SMOC2: variants seen among roughly 807,000 people sequenced by gnomAD.
SMOC2 encodes SPARC related modular calcium binding 2, also known as SPARC-related modular calcium-binding protein 2.
In SMOC2, 39 loss-of-function variants were observed where a neutral mutation model predicts 61.4. That is an observed-to-expected ratio of 0.64 (90% CI 0.49 to 0.83). SMOC2 has a LOEUF of 0.83. Among genes scored for constraint, SMOC2 ranks in the 40% least tolerant of loss-of-function variants. The pLI, the probability that SMOC2 is intolerant of heterozygous loss-of-function variation, is 0.00. For missense variants in SMOC2, 556 were observed against 592.9 expected (o/e 0.94, Z 0.65); for synonymous variants, 247 against 239.9 (o/e 1.03, Z -0.27).
At chr6:168,609,728 G>A (rs1785805342) in intron 9 of SMOC2, among the ~76,000 whole-genome samples, 1 of 152,188 alleles carries the variant, frequency 6.6e-6, no homozygotes. Flanking sequence ...AATGTTTCCT[G>A]GTTTTGGTTG....
intron 6 of SMOC2, among the ~76,000 whole-genome samples, chr6:168,548,279 C>G (rs971008979): frequency 1.3e-5 from 2 of 151,752 alleles, no homozygotes; most frequent in Non-Finnish European, 2.9e-5. Context: ...TAAATGGCAA[C>G]TGGCATTCAA....
chr6:168,613,503 G>A (rs1157260052), intron 9 of SMOC2, among the ~76,000 whole-genome samples: 1 of 152,148 alleles, frequency 6.6e-6, no homozygotes, highest in Non-Finnish European at 1.5e-5. Context: ...CTTTATTTTG[G>A]TCAAACAGCC....
intron 2 of SMOC2, among the ~76,000 whole-genome samples, chr6:168,516,518 G>C (rs908598020): frequency 1.3e-5 from 2 of 152,136 alleles, no homozygotes; most frequent in African/African-American, 2.4e-5. Flanking sequence ...AGGGAACATG[G>C]TGACAAAGGC....
At chr6:168,591,707 C>T (rs912668248) in intron 7 of SMOC2, among the ~76,000 whole-genome samples, 1 of 150,420 alleles carries the variant, frequency 6.6e-6, no homozygotes, top group African/African-American at 2.4e-5. Context: ...TCTTGAATGC[C>T]TTCATATCGG....
At chr6:168,556,406 G>A (rs950812441) in intron 7 of SMOC2, among the ~76,000 whole-genome samples, 1 of 152,094 alleles carries the variant, frequency 6.6e-6, no homozygotes, top group African/African-American at 2.4e-5. Context: ...CCACCCTGCG[G>A]CCCCCGCACC....
At chr6:168,626,077 T>A (rs1786401420) in intron 9 of SMOC2, among the ~76,000 whole-genome samples, 1 of 152,162 alleles carries the variant, frequency 6.6e-6, no homozygotes, top group South Asian at 2.1e-4. Flanking sequence ...ACTGGAGAAA[T>A]TATTCAAGTA....
At chr6:168,618,781 A>G (rs1786169133) in intron 9 of SMOC2, among the ~76,000 whole-genome samples, 1 of 152,140 alleles carries the variant, frequency 6.6e-6, no homozygotes, top group South Asian at 2.1e-4. Flanking sequence ...GGAAGGTGAC[A>G]TCGTCTCCTG....
At chr6:168,458,345 C>T (rs1045094876) in intron 1 of SMOC2, among the ~76,000 whole-genome samples, 1 of 150,836 alleles carries the variant, frequency 6.6e-6, no homozygotes, top group East Asian at 1.9e-4. Context: ...CCTGGGGGTC[C>T]TGGGAGGGAG....
chr6:168,578,278 A>C (rs1189166420), intron 7 of SMOC2, among the ~76,000 whole-genome samples: 1 of 152,210 alleles, frequency 6.6e-6, no homozygotes, highest in African/African-American at 2.4e-5. Flanking sequence ...GAGGTAGCTC[A>C]TGGAAAGTGA....
At chr6:168,515,401 T>C (rs2763235) in intron 2 of SMOC2, among the ~76,000 whole-genome samples, 136,345 of 152,232 alleles carry the variant, frequency 0.9, 61,979 homozygotes, top group East Asian at 1. Context: ...TGTCACGCCC[T>C]TCTGATAGTC....
rs374016741 is a variant in SMOC2 at position 168,571,876 on chromosome 6, C to T, written c.637+22673C>T. Among the ~76,000 whole-genome samples the T allele has an allele frequency of 2.6e-3, 252 of 96,896 alleles. 1 individual carries two copies. In the Middle Eastern group the frequency reaches 0.032, roughly 12 times the overall value. The allele number at this position is 96,896 out of a possible 152,430, so 63.6% of individuals were successfully genotyped here. A position where few individuals can be genotyped will look rare whatever the true frequency, so the allele number is the denominator to read the frequency against. On this transcript the variant is annotated intron_variant, in intron 7 of 12. Transcript: ENST00000356284. Reference sequence around the variant, plus strand: ...GCGATGTTCATTTCCTCCCCGCATCCCCGGGTGCGGGGACCAGGGCTGCGT... The same window carrying T: ...GCGATGTTCATTTCCTCCCCGCATCTCCGGGTGCGGGGACCAGGGCTGCGT...
chr6:168,656,307 T>C (rs1277320706), intron 11 of SMOC2, among the ~76,000 whole-genome samples: 2 of 151,864 alleles, frequency 1.3e-5, no homozygotes, highest in African/African-American at 4.8e-5. Flanking sequence ...GGTCAGAAGT[T>C]CAAAGTCAGC....
chr6:168,448,090 C>T (rs1054897730), intron 1 of SMOC2, among the ~76,000 whole-genome samples: 5 of 152,176 alleles, frequency 3.3e-5, no homozygotes, highest in African/African-American at 1.2e-4. Flanking sequence ...TAGGCATTCT[C>T]CCACATCAGG....
At chr6:168,584,421 A>C (rs956339569) in intron 7 of SMOC2, among the ~76,000 whole-genome samples, 1 of 152,200 alleles carries the variant, frequency 6.6e-6, no homozygotes, top group African/African-American at 2.4e-5. Context: ...CGAAACTTGC[A>C]TAGATAAAGC....
intron 2 of SMOC2, among the ~76,000 whole-genome samples, chr6:168,518,593 ATGTG>A (rs72507344): frequency 6.8e-6 from 1 of 146,142 alleles, no homozygotes; most frequent in East Asian, 2.0e-4. Flanking sequence ...ATGTGTGTGA[ATGTG>A]TGTTCATGTG....
At chr6:168,631,129 T>C in intron 9 of SMOC2, among the ~76,000 whole-genome samples, 1 of 152,170 alleles carries the variant, frequency 6.6e-6, no homozygotes, top group East Asian at 1.9e-4. Flanking sequence ...AACTTGCTGG[T>C]TTTTGTGGCT....
At chr6:168,588,679 T>C (rs1010334723) in intron 7 of SMOC2, among the ~76,000 whole-genome samples, 22 of 152,244 alleles carry the variant, frequency 1.4e-4, no homozygotes, top group African/African-American at 5.1e-4. Flanking sequence ...TAACCGTATT[T>C]ATTCTCTTCT....
chr6:168,598,783 A>T, intron 7 of SMOC2, 35 bp from the exon 8 acceptor site: 2 of 1,610,966 alleles, frequency 1.2e-6, no homozygotes, highest in South Asian at 1.1e-5. Flanking sequence ...ACGTCGCTGG[A>T]TCCTGCTCAC....
chr6:168,456,920 G>A (rs943481547), intron 1 of SMOC2, among the ~76,000 whole-genome samples: 2 of 152,196 alleles, frequency 1.3e-5, no homozygotes, highest in African/African-American at 4.8e-5. Context: ...CTCTGCCTGT[G>A]AGGCATGAGC....
Sources: gnomAD v4.1 joint callset for allele counts (sites outside exome capture counted in the v4.1 genomes callset) on GRCh38, gnomAD v4.1.1 for gene constraint, MANE v1.5 for transcripts, NCBI Gene and HGNC (gene_info 2026-07-23, HGNC 2026-07-21) for gene names.